NUP85: variants seen among roughly 807,000 people sequenced by gnomAD.
NUP85 encodes nuclear pore complex protein Nup85.
Under a neutral mutation model 92.8 loss-of-function variants are expected in NUP85, and 23 were observed. That is an observed-to-expected ratio of 0.25 (90% CI 0.18 to 0.35). The LOEUF is 0.35. Ranked by LOEUF, NUP85 falls within the 10% of genes least tolerant of loss-of-function variation. The probability of loss-of-function intolerance (pLI) is 1.00; values close to 1 mark genes in which losing one functional copy is unlikely to be tolerated. For synonymous variants in NUP85, 314 were observed against 306.9 expected (o/e 1.02, Z -0.24); for missense variants, 759 against 822.8 (o/e 0.92, Z 0.95).
intron 14 of NUP85, chr17:75,232,237 G>C: frequency 2.1e-6 from 1 of 472,106 alleles, no homozygotes. Flanking sequence ...TCACACACTT[G>C]ATTCCACGAG....
intron 1 of NUP85, chr17:75,208,042 C>T (rs11657106): frequency 0.74 from 112,979 of 152,286 alleles, 42,424 homozygotes; most frequent in East Asian, 0.87. Context: ...GGAGCCACCC[C>T]GCTGCCGGCC....
intron 11 of NUP85, among the ~76,000 whole-genome samples, chr17:75,229,705 T>C (rs913695949): frequency 2.0e-5 from 3 of 152,174 alleles, no homozygotes; most frequent in African/African-American, 4.8e-5. Context: ...ACTTGAGTTG[T>C]GTTGTTAGTT....
chr17:75,223,920 TGATAA>T lies in NUP85; in HGVS notation c.598-1179_598-1175del, dbSNP rs1220910605. 7.9e-5 allele frequency among the ~76,000 whole-genome samples: 12 copies of T among 152,340 alleles called. No homozygotes were observed. The East Asian group carries it at 1.5e-3, about 20-fold the overall frequency. On this transcript the variant is annotated intron_variant, in intron 7 of 18. Transcript: ENST00000245544. ...TAGTGGTGACAGTTTCAGCTTGATG[TGATAA>T]GATGATAGTCTTACGTGTAGACTCA...
chr17:75,233,294 G>A lies in NUP85; in HGVS notation c.1615+136G>A, dbSNP rs115501800. On this transcript the variant is annotated intron_variant, in intron 16 of 18. Transcript: ENST00000245544. ...ATCAGTGGTCCCAGAAACATCCTCC[G>A]TCATGTCCAGGATCATGAGTTTGGC... The A allele has an allele frequency of 3.4e-3, 2,300 of 668,812 alleles. 35 individuals carry two copies. The highest frequency in any genetic ancestry group is 0.031 in the African/African-American group (1,695 of 55,504). 41.4% of individuals were successfully genotyped at this position (668,812 alleles called of 1,614,324 possible).
chr17:75,221,937 G>C (rs2075609175), intron 7 of NUP85, among the ~76,000 whole-genome samples: 1 of 152,138 alleles, frequency 6.6e-6, no homozygotes, highest in Admixed American at 6.5e-5. Flanking sequence ...GATTTGATGT[G>C]GGCATGCAAG....
chr17:75,220,974 C>T lies in NUP85; in HGVS notation c.597+2668C>T, dbSNP rs1285706051. 4.6e-5 allele frequency among the ~76,000 whole-genome samples: 7 copies of T among 150,552 alleles called. No individual in the cohort carries two copies. The South Asian group carries it at 1.1e-3, about 23-fold the overall frequency. ...TCGGCTCGCTGCAAGCTCCGCCTCC[C>T]GGGTTCATGCCATTCTCCTGCCTCA... On this transcript the variant is annotated intron_variant, in intron 7 of 18. Transcript: ENST00000245544.
chr17:75,225,677 A>G, intron 9 of NUP85, 21 bp from the exon 10 acceptor site: 1 of 1,613,840 alleles, frequency 6.2e-7, no homozygotes, highest in Non-Finnish European at 8.5e-7. Flanking sequence ...GACAGAGTTC[A>G]GCACAAATGT....
intron 1 of NUP85, among the ~76,000 whole-genome samples, chr17:75,206,852 C>T (rs760002744): frequency 2.2e-4 from 34 of 151,726 alleles, no homozygotes; most frequent in Non-Finnish European, 4.0e-4. Context: ...TGCCCGCCAC[C>T]ACGCCCGGCT....
At chr17:75,223,826 A>C (rs553071543) in intron 7 of NUP85, among the ~76,000 whole-genome samples, 1 of 152,258 alleles carries the variant, frequency 6.6e-6, no homozygotes, top group South Asian at 2.1e-4. Context: ...TATTGAACCA[A>C]CCTACTATTG....
In NUP85 at chr17:75,221,127, G is replaced by T. The variant is rs182837549; in HGVS notation, c.597+2821G>T. Among the ~76,000 whole-genome samples the T allele has an allele frequency of 3.7e-3, 569 of 152,200 alleles. 2 individuals carry two copies. Among genetic ancestry groups the T allele is most frequent in the Middle Eastern group, 6.8e-3 (2 of 294 alleles). On this transcript the variant is annotated intron_variant, in intron 7 of 18. Transcript: ENST00000245544. ...CTCGATCTGACCTTGTGATCTGCCT[G>T]CCTTGGCCTCCCAAAGTGGTGGGTT... is the stretch of plus-strand genomic sequence containing the variant.
rs201647606 is a variant in NUP85 at position 75,209,868 on chromosome 17, G to A, written c.173G>A (p.Arg58His). Residue 58 changes from arginine to histidine, a missense_variant, in exon 3 of 19, where the codon CGT becomes CAT. Physicochemically the swap from Arg to His is conservative, Grantham distance 29. Coordinates refer to ENST00000245544, the MANE Select transcript of NUP85 (RefSeq NM_024844.5). ...VPSCPFIYII[R>H]KDVDVYSQIL... The stretch of plus-strand genomic sequence containing the variant: ...AGTTGCCCCTTTATCTATATCATCC[G>A]TAAGGATGTAGATGTTTACTCTCAA... 22 of 1,578,428 alleles carry A rather than the reference G, an allele frequency of 1.4e-5. No homozygotes were observed. The highest frequency in any genetic ancestry group is 1.7e-4 in the Middle Eastern group (1 of 5,976).
At position 75,209,855 on chromosome 17, in the gene NUP85, A is replaced by G. The variant is rs2075204028; in HGVS notation, c.160A>G (p.Ile54Val). 6.3e-7 allele frequency: 1 copy of G among 1,577,342 alleles called. No homozygotes were observed. Among genetic ancestry groups the G allele is most frequent in the African/African-American group, 1.4e-5 (1 of 71,712 alleles). The change falls in exon 3 of 19, where the codon ATC (isoleucine) becomes GTC (valine). Residue 54 changes from isoleucine to valine, a missense_variant. Coordinates refer to ENST00000245544, the MANE Select transcript of NUP85 (RefSeq NM_024844.5). ...KSEMVPSCPF[I>V]YIIRKDVDVY... ...AGAGATGGTGCCAAGTTGCCCCTTT[A>G]TCTATATCATCCGTAAGGATGTAGA...
chr17:75,220,057 C>A (rs370262679), intron 7 of NUP85, among the ~76,000 whole-genome samples: 10 of 152,140 alleles, frequency 6.6e-5, no homozygotes, highest in South Asian at 4.1e-4. Context: ...GGGTGACTAA[C>A]AACATGGTCT....
intron 16 of NUP85, 103 bp downstream of exon 16, chr17:75,233,261 C>A: frequency 2.3e-6 from 2 of 875,936 alleles, no homozygotes; most frequent in Admixed American, 2.1e-5. Flanking sequence ...TTCATGTATT[C>A]CCATTGCATC....
Position 75,231,263 on chromosome 17 carries a change from T to C in NUP85, c.1095-77T>C. ...CTTTGAGGGACAGGACATGTGGGGT[T>C]TCTTGCTCACCCCCACTCTTGTGGG... On this transcript the variant is annotated intron_variant, in intron 11 of 18. Coordinates refer to ENST00000245544, the MANE Select transcript of NUP85 (RefSeq NM_024844.5). The surrounding 1 kb of genome is among the most constrained non-coding windows in gnomAD (Gnocchi z 4.6). 1 of 1,386,760 alleles carries C rather than the reference T, an allele frequency of 7.2e-7. No individual in the cohort carries two copies. The highest frequency in any genetic ancestry group is 1.0e-6 in the Non-Finnish European group (1 of 976,096). 85.9% of individuals were successfully genotyped at this position (1,386,760 alleles called of 1,614,324 possible).
At chr17:75,206,357 C>T (rs960569019) in intron 1 of NUP85, among the ~76,000 whole-genome samples, 4 of 152,058 alleles carry the variant, frequency 2.6e-5, no homozygotes, top group Non-Finnish European at 5.9e-5. Flanking sequence ...TTGGATTGCT[C>T]TTGTTTTCCC....
chr17:75,225,669 C>G (rs749673909), intron 9 of NUP85, 29 bp from the exon 10 acceptor site: 10 of 1,612,940 alleles, frequency 6.2e-6, no homozygotes, highest in Non-Finnish European at 7.6e-6. Context: ...GAGAGGAGGA[C>G]AGAGTTCAGC....
intron 6 of NUP85, among the ~76,000 whole-genome samples, chr17:75,217,532 C>CA (rs1173397358): frequency 6.6e-6 from 1 of 151,942 alleles, no homozygotes; most frequent in Non-Finnish European, 1.5e-5. Flanking sequence ...TTTTTTGAGA[C>CA]AGAGTCTCAC....
In NUP85 at chr17:75,234,662, G is replaced by C; in HGVS notation, c.1641G>C (p.Met547Ile). Reference sequence around the variant, plus strand: ...GAAAGTATCGCGAGTTCCACCGTATGTACGGGGAGAAGCGTTTTGCCGACG... The same window carrying C: ...GAAAGTATCGCGAGTTCCACCGTATCTACGGGGAGAAGCGTTTTGCCGACG... ...FLGKYREFHRMYGEKRFADAA... is the reference protein window; with the variant it reads ...FLGKYREFHRIYGEKRFADAA... Residue 547 changes from methionine (M) to isoleucine (I), a missense_variant, in exon 17 of 19, where the codon ATG (methionine) becomes ATC (isoleucine). Coordinates refer to ENST00000245544, the MANE Select transcript of NUP85 (RefSeq NM_024844.5). 1.9e-6 allele frequency: 3 copies of C among 1,614,242 alleles called. No homozygotes were observed. The highest frequency in any genetic ancestry group is 2.5e-6 in the Non-Finnish European group (3 of 1,180,050).
Sources: allele counts gnomAD v4.1 joint callset (sites outside exome capture counted in the v4.1 genomes callset), GRCh38; gene constraint gnomAD v4.1.1; non-coding constraint Gnocchi (gnomAD v3.1); transcripts MANE v1.5; gene names NCBI Gene and HGNC (gene_info 2026-07-23, HGNC 2026-07-21).